Variants in STARD13 observed in about 807,000 individuals in gnomAD.
STARD13 encodes stAR-related lipid transfer protein 13.
Under a neutral mutation model 106.4 loss-of-function variants are expected in STARD13, and 62 were observed. The observed-to-expected ratio is 0.58, with a 90% CI of 0.48 to 0.72. The LOEUF is 0.72. Ranked by LOEUF, STARD13 falls within the 30% of genes least tolerant of loss-of-function variation. The probability of loss-of-function intolerance (pLI) is 0.00; values close to 1 mark genes in which losing one functional copy is unlikely to be tolerated. For missense variants in STARD13, 1,387 were observed against 1,424.0 expected (o/e 0.97, Z 0.42); for synonymous variants, 565 against 553.0 (o/e 1.02, Z -0.31).
chr13:33,565,694 C>G, the STARD13 span, among the ~76,000 whole-genome samples: 7 of 147,694 alleles, frequency 4.7e-5, no homozygotes, highest in African/African-American at 1.7e-4. Flanking sequence ...TTGCCCAGGA[C>G]GCTGCCTCCA....
intron 1 of STARD13, chr13:33,275,901 AG>A (rs1170300386): frequency 2.0e-5 from 3 of 152,280 alleles, no homozygotes; most frequent in African/African-American, 7.2e-5. Flanking sequence ...GTGCTGCTCC[AG>A]GCAACTCCAA....
At chr13:33,398,220 C>T in the STARD13 span, among the ~76,000 whole-genome samples, 1 of 152,200 alleles carries the variant, frequency 6.6e-6, no homozygotes, top group African/African-American at 2.4e-5. Context: ...TGCAGTCAGC[C>T]TTAGGTCTGT....
intron 1 of STARD13, chr13:33,206,123 C>T (rs1322542198): frequency 9.1e-6 from 5 of 552,332 alleles, no homozygotes; most frequent in Non-Finnish European, 1.1e-5. Flanking sequence ...TCCTATAAAT[C>T]CTCTTTTTAA....
At chr13:33,369,175 G>C in the STARD13 span, among the ~76,000 whole-genome samples, 1 of 151,750 alleles carries the variant, frequency 6.6e-6, no homozygotes, top group Non-Finnish European at 1.5e-5. Context: ...CTTCTGTTTA[G>C]CTTCATCAGG....
chr13:33,635,737 T>A, the STARD13 span, among the ~76,000 whole-genome samples: 1 of 149,380 alleles, frequency 6.7e-6, no homozygotes, highest in African/African-American at 2.5e-5. Context: ...AATCCCAGCA[T>A]TTTGGGAGGC....
chr13:33,586,963 T>G, the STARD13 span, among the ~76,000 whole-genome samples: 1 of 152,062 alleles, frequency 6.6e-6, no homozygotes, highest in Non-Finnish European at 1.5e-5. Context: ...CCTGTAATCC[T>G]AGCACTTTGG....
the STARD13 span, among the ~76,000 whole-genome samples, chr13:33,505,149 T>C: frequency 2.6e-5 from 4 of 152,192 alleles, no homozygotes; most frequent in African/African-American, 9.6e-5. Context: ...AATAAACATT[T>C]ATTGAGTGTC....
chr13:33,239,447 C>A (rs549282745), intron 1 of STARD13, among the ~76,000 whole-genome samples: 127 of 152,186 alleles, frequency 8.3e-4, no homozygotes, highest in African/African-American at 3.0e-3. Flanking sequence ...TTTTTAGGAA[C>A]TTCCATTCTG....
chr13:33,164,456 T>C (rs768485356), intron 3 of STARD13: 1 of 152,200 alleles, frequency 6.6e-6, no homozygotes, highest in Non-Finnish European at 1.5e-5. Context: ...TTAGGAATAC[T>C]GGGTTTTAAG....
At chr13:33,576,228 G>A in the STARD13 span, among the ~76,000 whole-genome samples, 1 of 151,940 alleles carries the variant, frequency 6.6e-6, no homozygotes, top group Non-Finnish European at 1.5e-5. Flanking sequence ...TGTTGGTTCT[G>A]CTCTTTTTTT....
At chr13:33,235,898 C>T (rs1303105182) in intron 1 of STARD13, among the ~76,000 whole-genome samples, 3 of 152,184 alleles carry the variant, frequency 2.0e-5, no homozygotes, top group East Asian at 3.9e-4. Flanking sequence ...TGTGCTTGGG[C>T]AGGTGGATGT....
intron 1 of STARD13, among the ~76,000 whole-genome samples, chr13:33,227,666 T>C (rs1470363842): frequency 6.6e-6 from 1 of 152,088 alleles, no homozygotes; most frequent in Non-Finnish European, 1.5e-5. Context: ...AGGACCACTT[T>C]AACTTGGACA....
chr13:33,177,874 GA>G lies in STARD13; in HGVS notation c.170-10253del, dbSNP rs1266369542. Among the ~76,000 whole-genome samples the G allele has an allele frequency of 3.0e-3, 26 of 8,556 alleles. 1 individual carries two copies. Among genetic ancestry groups the G allele is most frequent in the African/African-American group, 0.019 (15 of 788 alleles). The allele number at this position is 8,556 out of a possible 152,430, so 5.6% of individuals were successfully genotyped here. ...GGAAGGAAGGAAGGAAGGAAGGAAG[GA>G]AAGGAAGGAAGGAAGGAAGGAAGGA... is the stretch of plus-strand genomic sequence containing the variant. On this transcript the variant is annotated intron_variant, in intron 1 of 13. Transcript: ENST00000336934.
the STARD13 span, among the ~76,000 whole-genome samples, chr13:33,385,124 G>A: frequency 3.1e-5 from 4 of 127,254 alleles, no homozygotes; most frequent in Non-Finnish European, 4.8e-5. Flanking sequence ...AGAAAGGTTC[G>A]GAATATATAT....
the STARD13 span, among the ~76,000 whole-genome samples, chr13:33,524,758 T>G: frequency 3.7e-4 from 57 of 152,220 alleles, no homozygotes; most frequent in South Asian, 0.012. Context: ...ATTTATGGTG[T>G]ACGATATGAT....
At chr13:33,650,106 CT>C in the STARD13 span, among the ~76,000 whole-genome samples, 1 of 132,856 alleles carries the variant, frequency 7.5e-6, no homozygotes, top group Non-Finnish European at 1.5e-5. Context: ...CAAACAGTCA[CT>C]TTTTTATTTG....
the STARD13 span, among the ~76,000 whole-genome samples, chr13:33,623,339 T>A: frequency 2.1e-4 from 32 of 150,748 alleles, no homozygotes; most frequent in African/African-American, 6.6e-4. Flanking sequence ...ATACAAAATA[T>A]TTTTCAACTT....
chr13:33,215,376 C>T (rs1887982714), intron 1 of STARD13, among the ~76,000 whole-genome samples: 2 of 152,194 alleles, frequency 1.3e-5, no homozygotes, highest in Non-Finnish European at 2.9e-5. Context: ...GAAGATCTAT[C>T]TCCTATTTCA....
the STARD13 span, among the ~76,000 whole-genome samples, chr13:33,515,610 G>A: frequency 1.3e-5 from 2 of 152,136 alleles, 1 homozygote; most frequent in South Asian, 4.1e-4. Context: ...AAGAGTCAGT[G>A]TATCAGCTTG....
Sources: allele counts gnomAD v4.1 joint callset (sites outside exome capture counted in the v4.1 genomes callset), GRCh38; gene constraint gnomAD v4.1.1; transcripts MANE v1.5; gene names NCBI Gene and HGNC (gene_info 2026-07-23, HGNC 2026-07-21).